The following FAM135B variants were observed in gnomAD, a reference collection of about 807,000 sequenced individuals.
FAM135B encodes the protein family with sequence similarity 135 member B.
FAM135B carries 43 observed loss-of-function variants against 127.7 expected under a neutral mutation model. That is an observed-to-expected ratio of 0.34 (90% CI 0.26 to 0.43). The LOEUF (loss-of-function observed/expected upper bound fraction) is 0.43, where lower values mean the gene tolerates loss of function less well. Ranked by LOEUF, FAM135B falls within the 20% of genes least tolerant of loss-of-function variation. FAM135B has a pLI of 1.00. For synonymous variants in FAM135B, 670 were observed against 665.1 expected (o/e 1.01, Z -0.11); for missense variants, 1,558 against 1,725.6 (o/e 0.90, Z 1.72).
intron 3 of FAM135B, among the ~76,000 whole-genome samples, chr8:138,307,038 G>T (rs1390711710): frequency 1.3e-5 from 2 of 152,102 alleles, no homozygotes; most frequent in Non-Finnish European, 2.9e-5. Context: ...CCTTCACACT[G>T]AATGTTCAGC....
chr8:138,436,039 A>G (rs554936007), intron 1 of FAM135B, among the ~76,000 whole-genome samples: 2 of 152,116 alleles, frequency 1.3e-5, no homozygotes, highest in Non-Finnish European at 2.9e-5. Flanking sequence ...TATGTGCTCC[A>G]TTGGGTCTCA....
intron 1 of FAM135B, among the ~76,000 whole-genome samples, chr8:138,382,810 C>T (rs146902683): frequency 2.9e-4 from 44 of 152,226 alleles, no homozygotes; most frequent in African/African-American, 3.6e-4. Context: ...TAGAAATACC[C>T]GACCCCCTCC....
intron 2 of FAM135B, among the ~76,000 whole-genome samples, chr8:138,352,608 A>G (rs921021203): frequency 2.4e-4 from 37 of 152,268 alleles, no homozygotes; most frequent in Non-Finnish European, 4.3e-4. Context: ...GATTTATCTC[A>G]GTTAGGGTGG....
intron 9 of FAM135B, among the ~76,000 whole-genome samples, chr8:138,183,515 G>C (rs1815271955): frequency 6.6e-6 from 1 of 152,168 alleles, no homozygotes; most frequent in Admixed American, 6.5e-5. Flanking sequence ...ATATATATTT[G>C]CAGACGACAG....
At chr8:138,369,209 C>T (rs887417689) in intron 1 of FAM135B, among the ~76,000 whole-genome samples, 2 of 152,052 alleles carry the variant, frequency 1.3e-5, no homozygotes, top group African/African-American at 4.8e-5. Flanking sequence ...CCTGGTATGA[C>T]CTCTGGGAAG....
chr8:138,328,210 CAT>C (rs1827939455), intron 2 of FAM135B, among the ~76,000 whole-genome samples: 1 of 152,144 alleles, frequency 6.6e-6, no homozygotes, highest in Non-Finnish European at 1.5e-5. Flanking sequence ...TATCTCTACA[CAT>C]GAGCTCACCT....
chr8:138,343,709 A>G (rs1352732055), intron 2 of FAM135B, among the ~76,000 whole-genome samples: 1 of 152,128 alleles, frequency 6.6e-6, no homozygotes, highest in East Asian at 1.9e-4. Context: ...TCACCTCCCA[A>G]ACGTGTCTAC....
At chr8:138,159,140 C>T (rs1300765364) in intron 12 of FAM135B, among the ~76,000 whole-genome samples, 18 of 148,478 alleles carry the variant, frequency 1.2e-4, no homozygotes, top group Admixed American at 6.8e-4. Flanking sequence ...GGCGCGGTGG[C>T]GGGTGCCTGT....
intron 4 of FAM135B, among the ~76,000 whole-genome samples, chr8:138,257,653 T>A (rs1240553658): frequency 6.6e-6 from 1 of 152,064 alleles, no homozygotes; most frequent in Non-Finnish European, 1.5e-5. Flanking sequence ...GCCCTTTTCA[T>A]CCGTAACCAC....
Position 138,243,016 on chromosome 8 carries a change from C to T in FAM135B, c.595G>A (p.Gly199Arg), listed in dbSNP as rs376597740. The T allele has an allele frequency of 7.3e-5, 117 of 1,613,702 alleles. No individual in the cohort carries two copies. Among genetic ancestry groups the T allele is most frequent in the South Asian group, 1.8e-4 (16 of 90,996 alleles). ...SWLGKGGPDTGQEQSIISLEN... is the reference protein window; with the variant it reads ...SWLGKGGPDTRQEQSIISLEN... ...AGAGAAATGATAGACTGTTCTTGTC[C>T]GGTGTCTGGGCCACCTTTACCAAGC... The change falls in exon 7 of 20, where the codon GGA becomes AGA. Residue 199 changes from glycine (G) to arginine (R), a missense_variant. Physicochemically the swap from Gly to Arg is moderately radical, Grantham distance 125. Coordinates refer to ENST00000395297, the MANE Select transcript of FAM135B (RefSeq NM_015912.4). This position sits in a 1 kb window ranked among gnomAD's most constrained non-coding sequence, Gnocchi z 7.5.
intron 5 of FAM135B, among the ~76,000 whole-genome samples, chr8:138,251,774 A>G (rs1821719032): frequency 6.6e-6 from 1 of 152,194 alleles, no homozygotes; most frequent in African/African-American, 2.4e-5. Context: ...CGCCCCCAGG[A>G]GGACCCAGTG....
chr8:138,377,486 T>A (rs78364948), intron 1 of FAM135B, among the ~76,000 whole-genome samples: 85 of 152,244 alleles, frequency 5.6e-4, no homozygotes, highest in African/African-American at 2.0e-3. Context: ...CTGTCCATGG[T>A]AGAAGGACTG....
At chr8:138,492,724 C>T in intron 1 of FAM135B, among the ~76,000 whole-genome samples, 1 of 152,128 alleles carries the variant, frequency 6.6e-6, no homozygotes, top group South Asian at 2.1e-4. Context: ...GATTGCCCTT[C>T]CCTCAGGTCT....
Position 138,226,184 on chromosome 8 carries a change from T to TGTGTGTGTGTGTGTGTGCGCGCGC in FAM135B, c.669+16757_669+16758insGCGCGCGCACACACACACACACAC. Reference sequence around the variant, plus strand: ...GTGTGTGTGTGTGTGTGTGTGTGTGTGCGCGCATGTCATTTTTTTTTTCAT... The same window carrying TGTGTGTGTGTGTGTGTGCGCGCGC: ...GTGTGTGTGTGTGTGTGTGTGTGTGTGTGTGTGTGTGTGTGTGCGCGCGCGCGCGCATGTCATTTTTTTTTTCAT... On this transcript the variant is annotated intron_variant, in intron 7 of 19. Coordinates refer to ENST00000395297, the MANE Select transcript of FAM135B (RefSeq NM_015912.4). Among the ~76,000 whole-genome samples, 1,064 of 139,234 alleles carry TGTGTGTGTGTGTGTGTGCGCGCGC rather than the reference T, an allele frequency of 7.6e-3. 13 individuals are homozygous for TGTGTGTGTGTGTGTGTGCGCGCGC. Among genetic ancestry groups the TGTGTGTGTGTGTGTGTGCGCGCGC allele is most frequent in the East Asian group, 0.065 (294 of 4,544 alleles). 91.3% of individuals were successfully genotyped at this position (139,234 alleles called of 152,430 possible).
intron 7 of FAM135B, among the ~76,000 whole-genome samples, chr8:138,216,318 C>A (rs1818541370): frequency 6.6e-6 from 1 of 152,168 alleles, no homozygotes; most frequent in Non-Finnish European, 1.5e-5. Context: ...ATAAGCTTTC[C>A]TCAGACTATC....
intron 3 of FAM135B, among the ~76,000 whole-genome samples, chr8:138,270,042 A>T (rs2130667539): frequency 6.6e-6 from 1 of 152,274 alleles, no homozygotes; most frequent in African/African-American, 2.4e-5. Flanking sequence ...GAAGGACCAG[A>T]ATAATTTCCT....
intron 1 of FAM135B, among the ~76,000 whole-genome samples, chr8:138,444,714 T>C (rs953529072): frequency 5.3e-5 from 8 of 151,906 alleles, no homozygotes; most frequent in African/African-American, 1.9e-4. Flanking sequence ...GATCTAAAAT[T>C]GACACCCTAA....
At chr8:138,172,659 A>G (rs1172990870) in intron 11 of FAM135B, among the ~76,000 whole-genome samples, 1 of 152,226 alleles carries the variant, frequency 6.6e-6, no homozygotes, top group Non-Finnish European at 1.5e-5. Context: ...CATTGTATAG[A>G]AAGTCCCCAG....
In FAM135B at chr8:138,326,449, G is replaced by A. The variant is rs909977297; in HGVS notation, c.78-15529C>T. Among the ~76,000 whole-genome samples the A allele has an allele frequency of 2.6e-5, 4 of 152,138 alleles. No homozygotes were observed. In the East Asian group the frequency reaches 7.7e-4, roughly 29 times the overall value. ...GATTAAATGAGCTTGGTTAAAGCAGGCCTTCAAGCGACTTGCACAGCTTGA... is the reference window on the plus strand; with the variant it reads ...GATTAAATGAGCTTGGTTAAAGCAGACCTTCAAGCGACTTGCACAGCTTGA... On this transcript the variant is annotated intron_variant, in intron 2 of 19. Coordinates refer to ENST00000395297, the MANE Select transcript of FAM135B (RefSeq NM_015912.4).
Sources: allele counts gnomAD v4.1 joint callset (sites outside exome capture counted in the v4.1 genomes callset), GRCh38; gene constraint gnomAD v4.1.1; non-coding constraint Gnocchi (gnomAD v3.1); transcripts MANE v1.5; gene names NCBI Gene and HGNC (gene_info 2026-07-23, HGNC 2026-07-21).